Variants in PRKAG2 observed in about 807,000 individuals in gnomAD.
PRKAG2 encodes 5'-AMP-activated protein kinase subunit gamma-2.
PRKAG2 carries 26 observed loss-of-function variants against 69.6 expected under a neutral mutation model. The observed-to-expected ratio is 0.37, with a 90% CI of 0.27 to 0.52. The LOEUF is 0.52. Among genes scored for constraint, PRKAG2 ranks in the 20% least tolerant of loss-of-function variants. PRKAG2 has a pLI of 0.90. For missense variants in PRKAG2, 557 were observed against 740.0 expected (o/e 0.75, Z 2.87); for synonymous variants, 293 against 285.0 (o/e 1.03, Z -0.28).
intron 1 of PRKAG2, among the ~76,000 whole-genome samples, chr7:151,865,772 C>A (rs2080052053): frequency 6.6e-6 from 1 of 152,172 alleles, no homozygotes; most frequent in African/African-American, 2.4e-5. Context: ...GTAATCCCAG[C>A]ACTTTGGGAG....
chr7:151,626,185 C>G (rs1822858691), intron 5 of PRKAG2, among the ~76,000 whole-genome samples: 1 of 152,104 alleles, frequency 6.6e-6, no homozygotes, highest in African/African-American at 2.4e-5. Context: ...GTGACGAGTC[C>G]CACTTACCAA....
chr7:151,734,485 C>T (rs1453205386), intron 3 of PRKAG2, among the ~76,000 whole-genome samples: 2 of 152,168 alleles, frequency 1.3e-5, no homozygotes, highest in African/African-American at 2.4e-5. Context: ...TCCTGCTGTT[C>T]CATCTTGCAG....
At chr7:151,696,383 C>T (rs963363225) in intron 3 of PRKAG2, among the ~76,000 whole-genome samples, 3 of 152,164 alleles carry the variant, frequency 2.0e-5, no homozygotes, top group African/African-American at 4.8e-5. Flanking sequence ...GGCAGCGCAA[C>T]GCCACAGGAC....
intron 3 of PRKAG2, among the ~76,000 whole-genome samples, chr7:151,707,815 A>G (rs1838880659): frequency 6.6e-6 from 1 of 152,224 alleles, no homozygotes; most frequent in African/African-American, 2.4e-5. Flanking sequence ...GAATAGCCAC[A>G]GAGCCCGTGA....
intron 6 of PRKAG2, among the ~76,000 whole-genome samples, chr7:151,594,211 C>T (rs572479630): frequency 6.6e-6 from 1 of 152,348 alleles, no homozygotes; most frequent in East Asian, 1.9e-4. Flanking sequence ...CTTCCCCTGC[C>T]CTGCTCTTCC....
At chr7:151,626,166 C>A (rs372990224) in intron 5 of PRKAG2, among the ~76,000 whole-genome samples, 3 of 152,238 alleles carry the variant, frequency 2.0e-5, no homozygotes, top group South Asian at 4.1e-4. Context: ...CAGTTACTTG[C>A]GAAGACTGGT....
intron 5 of PRKAG2, among the ~76,000 whole-genome samples, chr7:151,603,145 G>A (rs1816561542): frequency 6.7e-6 from 1 of 149,860 alleles, no homozygotes; most frequent in South Asian, 2.1e-4. Context: ...CACCGCACAC[G>A]GAGGGACACG....
chr7:151,601,192 C>G (rs1815991904), intron 5 of PRKAG2, among the ~76,000 whole-genome samples: 1 of 152,160 alleles, frequency 6.6e-6, no homozygotes, highest in Admixed American at 6.5e-5. Context: ...CCAGGGTGAG[C>G]ACTGGATCAC....
At chr7:151,866,641 T>C (rs1168117671) in intron 1 of PRKAG2, among the ~76,000 whole-genome samples, 2 of 152,120 alleles carry the variant, frequency 1.3e-5, no homozygotes, top group African/African-American at 4.8e-5. Context: ...CTGGGGTGCT[T>C]ATTACAACAT....
chr7:151,680,665 TCTTTTCAGCCACTG>T (rs1485938359), intron 3 of PRKAG2, among the ~76,000 whole-genome samples: 1 of 152,192 alleles, frequency 6.6e-6, no homozygotes, highest in Non-Finnish European at 1.5e-5. Flanking sequence ...GAAAATTACT[TCTTTTCAGCCACTG>T]CTTTGCTTTT....
chr7:151,743,047 G>A (rs2074011410), intron 3 of PRKAG2, among the ~76,000 whole-genome samples: 1 of 152,080 alleles, frequency 6.6e-6, no homozygotes, highest in Non-Finnish European at 1.5e-5. Flanking sequence ...CCCCTCTTCT[G>A]TTTCCGCCAG....
chr7:151,600,408 T>C (rs1240356610), intron 5 of PRKAG2, among the ~76,000 whole-genome samples: 1 of 152,234 alleles, frequency 6.6e-6, no homozygotes, highest in African/African-American at 2.4e-5. Flanking sequence ...CACAATTTTG[T>C]ATATTTCCTA....
chr7:151,799,503 G>A (rs566226581), intron 1 of PRKAG2, among the ~76,000 whole-genome samples: 77 of 152,296 alleles, frequency 5.1e-4, no homozygotes, highest in African/African-American at 1.8e-3. Context: ...TGTCTCCAGC[G>A]ACAGCACAAA....
rs1001023938 is a variant in PRKAG2, at chr7:151,567,784, C to T, written c.1233+932G>A. Reference sequence around the variant, plus strand: ...GGTTGATTGACAAGGTATTTCTCTCCATCACTAAGCCCTCTGTGCTTCTGT... The same window carrying T: ...GGTTGATTGACAAGGTATTTCTCTCTATCACTAAGCCCTCTGTGCTTCTGT... On this transcript the variant is annotated intron_variant, in intron 11 of 15. Coordinates refer to ENST00000287878, the MANE Select transcript of PRKAG2 (RefSeq NM_016203.4). This position sits in a 1 kb window ranked among gnomAD's most constrained non-coding sequence, Gnocchi z 4.2. Among the ~76,000 whole-genome samples the T allele has an allele frequency of 6.6e-6, 1 of 152,086 alleles. No homozygotes were observed. Among genetic ancestry groups the T allele is most frequent in the Non-Finnish European group, 1.5e-5 (1 of 68,010 alleles).
At chr7:151,832,246 AGGAAGGGAGGAGGGAAGGAAGGGAGGAG>A (rs1563737828) in intron 1 of PRKAG2, among the ~76,000 whole-genome samples, 2 of 18,300 alleles carry the variant, frequency 1.1e-4, no homozygotes, top group African/African-American at 3.1e-4. Context: ...GGAGGAGGGA[AGGAAGGGAGGAGGGAAGGAAGGGAGGAG>A]GGAAGGAAGG....
chr7:151,795,854 T>C (rs1349977479), intron 1 of PRKAG2, among the ~76,000 whole-genome samples: 6 of 88,414 alleles, frequency 6.8e-5, no homozygotes, highest in Non-Finnish European at 1.3e-4. Flanking sequence ...CTCATATATA[T>C]ATATATATAT....
intron 5 of PRKAG2, among the ~76,000 whole-genome samples, chr7:151,630,220 C>T (rs922005473): frequency 6.6e-6 from 1 of 150,898 alleles, no homozygotes; most frequent in Non-Finnish European, 1.5e-5. Flanking sequence ...CATTGGCAGA[C>T]ACAATGAAAA....
chr7:151,595,471 C>G lies in PRKAG2; in HGVS notation c.755-17G>C. 1 of 1,534,386 alleles carries G rather than the reference C, an allele frequency of 6.5e-7. No individual in the cohort carries two copies. The highest frequency in any genetic ancestry group is 9.0e-7 in the Non-Finnish European group (1 of 1,108,306). ...CTTCTACTGCTAAAAGAAAAAAAGG[C>G]AAAACATCAGTAATAATAAAGAATT... On this transcript the variant is annotated splice_polypyrimidine_tract_variant and intron_variant, in intron 5 of 15. Transcript: ENST00000287878.
chr7:151,671,044 C>T (rs1185723093), intron 4 of PRKAG2, among the ~76,000 whole-genome samples: 1 of 151,946 alleles, frequency 6.6e-6, no homozygotes, highest in Non-Finnish European at 1.5e-5. Flanking sequence ...TGTGGTGGTG[C>T]ATGCCTGTAG....
Sources: allele counts gnomAD v4.1 joint callset (sites outside exome capture counted in the v4.1 genomes callset), GRCh38; gene constraint gnomAD v4.1.1; non-coding constraint Gnocchi (gnomAD v3.1); transcripts MANE v1.5; gene names NCBI Gene and HGNC (gene_info 2026-07-23, HGNC 2026-07-21).